ULK4: variants seen among roughly 807,000 people sequenced by gnomAD.
ULK4 encodes the protein inactive serine/threonine-protein kinase ULK4.
Under a neutral mutation model 160.6 loss-of-function variants are expected in ULK4, and 133 were observed. The ratio of observed to expected loss-of-function variants is 0.83; its 90% CI spans 0.72 to 0.96. The LOEUF (loss-of-function observed/expected upper bound fraction) is 0.96, where lower values mean the gene tolerates loss of function less well. Among genes scored for constraint, ULK4 ranks in the 40% least tolerant of loss-of-function variants. ULK4 has a pLI of 0.00. For missense variants in ULK4, 1,580 were observed against 1,499.5 expected (o/e 1.05, Z -0.89); for synonymous variants, 534 against 539.8 (o/e 0.99, Z 0.15).
At chr3:41,472,759 C>A (rs2084026080) in intron 32 of ULK4, among the ~76,000 whole-genome samples, 1 of 152,022 alleles carries the variant, frequency 6.6e-6, no homozygotes, top group Admixed American at 6.6e-5. Context: ...ATAATAGTTT[C>A]AAATTCTTTT....
chr3:41,537,809 G>A (rs1198614570), intron 32 of ULK4, among the ~76,000 whole-genome samples: 11 of 152,082 alleles, frequency 7.2e-5, no homozygotes, highest in African/African-American at 2.7e-4. Flanking sequence ...AATAAGGCAA[G>A]TCCTGATCAT....
At chr3:41,514,773 G>C (rs2085696495) in intron 32 of ULK4, among the ~76,000 whole-genome samples, 1 of 152,028 alleles carries the variant, frequency 6.6e-6, no homozygotes, top group South Asian at 2.1e-4. Flanking sequence ...TGGAGACTCA[G>C]AAGGGTGAGG....
intron 32 of ULK4, among the ~76,000 whole-genome samples, chr3:41,516,775 C>A (rs371840392): frequency 6.6e-6 from 1 of 152,128 alleles, no homozygotes; most frequent in Non-Finnish European, 1.5e-5. Context: ...TTTGATAGCA[C>A]AACAGGGTGA....
chr3:41,504,750 C>CTA (rs1184720052), intron 32 of ULK4, among the ~76,000 whole-genome samples: 1 of 152,068 alleles, frequency 6.6e-6, no homozygotes, highest in Admixed American at 6.6e-5. Flanking sequence ...ACACTTAGGT[C>CTA]TATATATATA....
rs191448510 is a variant in ULK4 at position 41,543,434 on chromosome 3, T to C, written c.3226+22591A>G. On this transcript the variant is annotated intron_variant, in intron 32 of 36. Transcript: ENST00000301831. The stretch of plus-strand genomic sequence containing the variant: ...GAGATCTGGGAGGATATTAGAACAA[T>C]GTTGTATTGTGTGTGGAAGAGACAG... Among the ~76,000 whole-genome samples the C allele has an allele frequency of 7.9e-5, 12 of 152,216 alleles. No individual in the cohort carries two copies. The East Asian group carries it at 9.7e-4, about 12-fold the overall frequency.
intron 31 of ULK4, among the ~76,000 whole-genome samples, chr3:41,589,652 T>A (rs576761339): frequency 6.6e-6 from 1 of 152,246 alleles, no homozygotes; most frequent in East Asian, 1.9e-4. Context: ...CTTCTAAATA[T>A]GCCTTAAAAA....
At chr3:41,652,863 T>A (rs1187095491) in intron 30 of ULK4, among the ~76,000 whole-genome samples, 2 of 152,202 alleles carry the variant, frequency 1.3e-5, no homozygotes, top group South Asian at 2.1e-4. Context: ...CAAAGCACCA[T>A]GAATAAACCA....
chr3:41,895,800 G>A (rs1698131990), intron 15 of ULK4, among the ~76,000 whole-genome samples: 2 of 152,058 alleles, frequency 1.3e-5, no homozygotes, highest in African/African-American at 4.8e-5. Context: ...CTAAATGACT[G>A]CCCTTACCTG....
intron 27 of ULK4, among the ~76,000 whole-genome samples, chr3:41,684,206 G>A (rs1302357437): frequency 6.6e-6 from 1 of 152,216 alleles, no homozygotes; most frequent in African/African-American, 2.4e-5. Context: ...TACACAGAAA[G>A]GCAACCCAGA....
intron 16 of ULK4, among the ~76,000 whole-genome samples, chr3:41,892,267 T>C (rs1263758358): frequency 6.6e-6 from 1 of 152,178 alleles, no homozygotes; most frequent in Non-Finnish European, 1.5e-5. Flanking sequence ...AAAGAAGATA[T>C]ACAAATAGCC....
chr3:41,819,388 G>T (rs759241549), intron 19 of ULK4, 35 bp downstream of exon 19: 3 of 1,590,554 alleles, frequency 1.9e-6, no homozygotes, highest in African/African-American at 1.4e-5. Flanking sequence ...TATTACAATT[G>T]CCAGCATCTA....
intron 32 of ULK4, among the ~76,000 whole-genome samples, chr3:41,504,280 C>G (rs112598939): frequency 0.011 from 1,628 of 152,284 alleles, 15 homozygotes; most frequent in Non-Finnish European, 0.016. Context: ...TTTTACCACA[C>G]AGGTTATTTA....
At chr3:41,410,798 G>C (rs994293591) in intron 34 of ULK4, among the ~76,000 whole-genome samples, 1 of 152,112 alleles carries the variant, frequency 6.6e-6, no homozygotes, top group Non-Finnish European at 1.5e-5. Flanking sequence ...CCTACCACCA[G>C]GGACAGGGAA....
chr3:41,366,602 TAC>T lies in ULK4; in HGVS notation c.3678+31475_3678+31476del, dbSNP rs1379622107. 1.2e-3 allele frequency among the ~76,000 whole-genome samples: 180 copies of T among 151,474 alleles called. 2 individuals carry two copies. Among genetic ancestry groups the T allele is most frequent in the African/African-American group, 3.6e-3 (146 of 41,064 alleles). On this transcript the variant is annotated intron_variant, in intron 35 of 36. Coordinates refer to ENST00000301831, the MANE Select transcript of ULK4 (RefSeq NM_017886.4). ...TATCTATATACCTATTATGTATATA[TAC>T]ACACACACACATACACTTATTGTGC...
chr3:41,544,891 C>T (rs1301390935), intron 32 of ULK4, among the ~76,000 whole-genome samples: 1 of 152,136 alleles, frequency 6.6e-6, no homozygotes, highest in East Asian at 1.9e-4. Context: ...TTTGAAGCTG[C>T]TAATTTTCAA....
At chr3:41,328,798 G>A (rs1294294445) in intron 35 of ULK4, among the ~76,000 whole-genome samples, 9 of 152,174 alleles carry the variant, frequency 5.9e-5, no homozygotes, top group Admixed American at 2.0e-4. Flanking sequence ...AAAGCCCCAC[G>A]GAGTGGGGTG....
intron 35 of ULK4, among the ~76,000 whole-genome samples, chr3:41,357,940 T>C (rs865982673): frequency 3.3e-5 from 5 of 152,198 alleles, no homozygotes; most frequent in African/African-American, 9.7e-5. Flanking sequence ...AATAGCCTCA[T>C]GTATAAAAAG....
intron 30 of ULK4, among the ~76,000 whole-genome samples, chr3:41,653,789 A>T (rs2034835356): frequency 6.6e-6 from 1 of 152,246 alleles, no homozygotes; most frequent in Non-Finnish European, 1.5e-5. Flanking sequence ...GCTGCAAGCC[A>T]GTTAGCCATA....
intron 2 of ULK4, among the ~76,000 whole-genome samples, chr3:41,952,341 G>A (rs986307426): frequency 7.9e-5 from 12 of 152,124 alleles, no homozygotes; most frequent in Non-Finnish European, 1.2e-4. Context: ...TAGAGAAGTC[G>A]TAAAACTCAG....
Sources: allele counts gnomAD v4.1 joint callset (sites outside exome capture counted in the v4.1 genomes callset), GRCh38; gene constraint gnomAD v4.1.1; transcripts MANE v1.5; gene names NCBI Gene and HGNC (gene_info 2026-07-23, HGNC 2026-07-21).